Variants in ZNF219 observed in about 807,000 individuals in gnomAD.
ZNF219 encodes zinc finger protein 219.
ZNF219 carries 17 observed loss-of-function variants against 54.4 expected under a neutral mutation model. The observed-to-expected ratio is 0.31, with a 90% confidence interval of 0.21 to 0.47. The LOEUF is 0.47. ZNF219 is among the 20% of genes least tolerant of loss of function. ZNF219 has a pLI of 1.00. For synonymous variants in ZNF219, 518 were observed against 476.4 expected (o/e 1.09, Z -1.14); for missense variants, 1,014 against 1,062.3 (o/e 0.95, Z 0.63).
chr14:21,090,937 C>T lies in ZNF219; in HGVS notation c.1768G>A (p.Gly590Ser). 2 of 1,547,406 alleles carry T rather than the reference C, an allele frequency of 1.3e-6. No individual in the cohort carries two copies. The highest frequency in any genetic ancestry group is 1.7e-6 in the Non-Finnish European group (2 of 1,151,366). Residue 590 changes from glycine (G) to serine (S), a missense_variant, in exon 5 of 5, where the codon GGC becomes AGC. Physicochemically the swap from Gly to Ser is moderately conservative, Grantham distance 56. Transcript: ENST00000360947. The surrounding 1 kb of genome is among the most constrained non-coding windows in gnomAD (Gnocchi z 4.4). ...PSPQPATWVE[G>S]ASSPRPPSSG... ...GAAGGAGGCCGGGGACTTGAGGCGC[C>T]CTCCACCCAGGTCGCAGGCTGCGGA...
chr14:21,098,454 G>GC lies in ZNF219; in HGVS notation c.-227dup. 1 of 807,664 alleles carries GC rather than the reference G, an allele frequency of 1.2e-6. No individual in the cohort carries two copies. Among genetic ancestry groups the GC allele is most frequent in the Non-Finnish European group, 1.5e-6 (1 of 670,608 alleles). 50.0% of individuals were successfully genotyped at this position (807,664 alleles called of 1,614,324 possible). On this transcript the variant is annotated 5_prime_UTR_variant, in exon 1 of 5. The change creates a premature stop within an existing upstream ORF in the 5' untranslated region. Coordinates refer to ENST00000360947, the MANE Select transcript of ZNF219 (RefSeq NM_016423.3). ...CCCCCCCGCCCCCGGCCCGGCCCCC[G>GC]CCCCCTCCCCGGTCCCCCGCCCCCG... is the stretch of plus-strand genomic sequence containing the variant.
upstream of ZNF219, chr14:21,101,819 G>T: frequency 6.9e-7 from 1 of 1,459,818 alleles, no homozygotes; most frequent in South Asian, 1.2e-5. Context: ...GAGAAGGGAG[G>T]GAATCCCTGA....
chr14:21,096,140 T>G (rs958853766), intron 1 of ZNF219, among the ~76,000 whole-genome samples: 3 of 152,162 alleles, frequency 2.0e-5, no homozygotes, highest in African/African-American at 7.2e-5. Context: ...GTCTGTAGGA[T>G]AGCAAGCAAA....
At chr14:21,097,902 G>T (rs955820113) in intron 1 of ZNF219, among the ~76,000 whole-genome samples, 1 of 151,510 alleles carries the variant, frequency 6.6e-6, no homozygotes, top group Non-Finnish European at 1.5e-5. Context: ...CCGGGGGTTG[G>T]GGGGTGCACA....
intron 1 of ZNF219, among the ~76,000 whole-genome samples, chr14:21,096,680 T>C (rs910646724): frequency 6.6e-6 from 1 of 152,188 alleles, no homozygotes; most frequent in Non-Finnish European, 1.5e-5. Context: ...GGGATAGATA[T>C]CAGAAACCTT....
In ZNF219 at chr14:21,090,130, C is replaced by A; in HGVS notation, c.*406G>T. ...GGACACGACTCTGCAATAGGGATGACAGGAATCGTACCAAAAATAGCGACG... is the reference window on the plus strand; with the variant it reads ...GGACACGACTCTGCAATAGGGATGAAAGGAATCGTACCAAAAATAGCGACG... On this transcript the variant is annotated 3_prime_UTR_variant, in exon 5 of 5. Transcript: ENST00000360947. This position sits in a 1 kb window ranked among gnomAD's most constrained non-coding sequence, Gnocchi z 4.4. 1 of 449,694 alleles carries A rather than the reference C, an allele frequency of 2.2e-6. No individual in the cohort carries two copies. The allele number at this position is 449,694 out of a possible 1,614,324, so 27.9% of individuals were successfully genotyped here.
At chr14:21,102,390 C>A (rs747587357), upstream of ZNF219, 20 of 1,551,332 alleles carry the variant, frequency 1.3e-5, no homozygotes, top group African/African-American at 2.7e-4. Flanking sequence ...CAGGGCTGAG[C>A]TGGCTCACTG....
upstream of ZNF219, chr14:21,101,952 C>T: frequency 6.4e-7 from 1 of 1,551,682 alleles, no homozygotes; most frequent in Non-Finnish European, 8.7e-7. Flanking sequence ...GGCCACAGCG[C>T]TGCCTCTTGG....
chr14:21,091,514 G>A lies in ZNF219; in HGVS notation c.1461C>T (p.Thr487=). 1 of 1,607,588 alleles carries A rather than the reference G, an allele frequency of 6.2e-7. No homozygotes were observed. The highest frequency in any genetic ancestry group is 8.5e-7 in the Non-Finnish European group (1 of 1,175,278). Residue 487 remains threonine (T), a synonymous_variant, in exon 4 of 5, where the codon ACC becomes ACT. Transcript: ENST00000360947. ...TGGCGCCCCGGCCCCCTTCAGGCCG[G>A]GTCCCTCCAACCAACAGCCCATTCT... ...QEENGLLVGG[T]RPEGGRGATG...
In ZNF219 at chr14:21,098,525, C is replaced by T; in HGVS notation, c.-297G>A. On this transcript the variant is annotated 5_prime_UTR_variant, in exon 1 of 5. An upstream start codon of the reference 5' UTR is lost. Transcript: ENST00000360947. ...CGGCGGGAGGCGGCCCGGCCATTAGCATGCGGGGGGCGGCGCGGCGGGGCT... is the reference window on the plus strand; with the variant it reads ...CGGCGGGAGGCGGCCCGGCCATTAGTATGCGGGGGGCGGCGCGGCGGGGCT... The T allele has an allele frequency of 1.0e-6, 1 of 985,802 alleles. No homozygotes were observed. The allele number at this position is 985,802 out of a possible 1,614,324, so 61.1% of individuals were successfully genotyped here. A position where few individuals can be genotyped will look rare whatever the true frequency, so the allele number is the denominator to read the frequency against.
chr14:21,090,323 C>A lies in ZNF219; in HGVS notation c.*213G>T, dbSNP rs1291152471. 1.5e-5 allele frequency: 11 copies of A among 731,728 alleles called. No homozygotes were observed. The highest frequency in any genetic ancestry group is 5.4e-5 in the East Asian group (2 of 37,276). 45.3% of individuals were successfully genotyped at this position (731,728 alleles called of 1,614,324 possible). On this transcript the variant is annotated 3_prime_UTR_variant, in exon 5 of 5. Transcript: ENST00000360947. This position sits in a 1 kb window ranked among gnomAD's most constrained non-coding sequence, Gnocchi z 4.4. ...CAGGGACCCCGTTCTTTGACCCTCA[C>A]CTCTGCCACTTCTAAGGCACTGTGA...
Position 21,092,976 on chromosome 14 carries a change from G to T in ZNF219, c.321C>A (p.His107Gln). The change falls in exon 3 of 5, where the codon CAC (histidine) becomes CAA (glutamine). Residue 107 changes from histidine to glutamine, a missense_variant. His to Gln is a conservative substitution (Grantham distance 24). Around this residue, in one of 5 missense-constraint regions of ZNF219, gnomAD observed 395 missense variants for 415.1 expected, o/e 0.95. Coordinates refer to ENST00000360947, the MANE Select transcript of ZNF219 (RefSeq NM_016423.3). ...CAGGACTACGTGGGCGCTCGGGCTG[G>T]TGTGTGCGCAGGTGCGAGCGCAGCA... ...RALLRSHLRT[H>Q]QPERPRSPAA... 1 of 1,594,480 alleles carries T rather than the reference G, an allele frequency of 6.3e-7. No individual in the cohort carries two copies. The highest frequency in any genetic ancestry group is 8.5e-7 in the Non-Finnish European group (1 of 1,172,910).
chr14:21,093,514 G>A, intron 2 of ZNF219, 72 bp downstream of exon 2: 1 of 1,557,116 alleles, frequency 6.4e-7, no homozygotes, highest in Non-Finnish European at 8.9e-7. Flanking sequence ...AGGTCAAAGA[G>A]AGAGAGAGGT....
At chr14:21,094,790 C>G (rs1284841506) in intron 1 of ZNF219, among the ~76,000 whole-genome samples, 1 of 133,386 alleles carries the variant, frequency 7.5e-6, no homozygotes, top group African/African-American at 2.9e-5. Context: ...TTAGAAGAAA[C>G]CCCAGAATCA....
At chr14:21,098,885 T>C (rs1246852269), upstream of ZNF219, 1 of 1,279,690 alleles carries the variant, frequency 7.8e-7, no homozygotes, top group South Asian at 1.2e-5. Context: ...TGGGGTTTTA[T>C]CTCAAAGCCT....
In ZNF219 at chr14:21,090,205, AC is replaced by A; in HGVS notation, c.*330del. ...GAAGGGTACAGTGCCCCCCACCCTC[AC>A]CCCTTGTACAAAAATAAACTCTCAC... is the stretch of plus-strand genomic sequence containing the variant. On this transcript the variant is annotated 3_prime_UTR_variant, in exon 5 of 5. Coordinates refer to ENST00000360947, the MANE Select transcript of ZNF219 (RefSeq NM_016423.3). This position sits in a 1 kb window ranked among gnomAD's most constrained non-coding sequence, Gnocchi z 4.4. The A allele has an allele frequency of 5.3e-6, 3 of 562,180 alleles. 1 individual carries two copies. The allele number at this position is 562,180 out of a possible 1,614,324, so 34.8% of individuals were successfully genotyped here. A position where few individuals can be genotyped will look rare whatever the true frequency, so the allele number is the denominator to read the frequency against.
chr14:21,101,530 G>A, upstream of ZNF219: 7 of 1,326,046 alleles, frequency 5.3e-6, no homozygotes, highest in Non-Finnish European at 7.3e-6. Flanking sequence ...ATCCATCCAT[G>A]TTAAGTGAGC....
chr14:21,101,911 C>G (rs1341313647), upstream of ZNF219: 1 of 1,551,500 alleles, frequency 6.4e-7, no homozygotes, highest in African/African-American at 1.4e-5. Context: ...CTTGCTGTCT[C>G]AGTCGCCTGC....
At chr14:21,103,417 G>A (rs1472477097), upstream of ZNF219, 3 of 1,232,784 alleles carry the variant, frequency 2.4e-6, no homozygotes, top group Non-Finnish European at 3.3e-6. Context: ...ACACCTGGAC[G>A]AGAATATATC....
Sources: allele counts gnomAD v4.1 joint callset (sites outside exome capture counted in the v4.1 genomes callset), GRCh38; gene constraint gnomAD v4.1.1; regional missense constraint gnomAD v4.1.1; non-coding constraint Gnocchi (gnomAD v3.1); transcripts MANE v1.5; gene names NCBI Gene and HGNC (gene_info 2026-07-23, HGNC 2026-07-21).